Variants in PLPPR1 observed in about 807,000 individuals in gnomAD.
PLPPR1 encodes the protein phospholipid phosphatase related 1.
In PLPPR1, 10 loss-of-function variants were observed where a neutral mutation model predicts 33.1. The ratio of observed to expected loss-of-function variants is 0.30; its 90% CI spans 0.19 to 0.51. PLPPR1 has a LOEUF of 0.51. Among genes scored for constraint, PLPPR1 ranks in the 20% least tolerant of loss-of-function variants. The pLI is 0.97. For synonymous variants in PLPPR1, 151 were observed against 151.0 expected, an observed-to-expected ratio of 1.00 and a Z score of 0.00; for missense variants, 304 against 408.1, an observed-to-expected ratio of 0.74 and a Z score of 2.20.
intron 3 of PLPPR1, among the ~76,000 whole-genome samples, chr9:101,276,726 G>C (rs1222746324): frequency 6.6e-6 from 1 of 152,206 alleles, no homozygotes. Flanking sequence ...CCGCCCTGGT[G>C]CTCTATTTTA....
rs564443145 is a variant in PLPPR1 at position 101,247,377 on chromosome 9, C to G, written c.64-22503C>G. 7.2e-5 allele frequency among the ~76,000 whole-genome samples: 11 copies of G among 152,172 alleles called. No individual in the cohort carries two copies. In the East Asian group the frequency reaches 2.1e-3, roughly 30 times the overall value. On this transcript the variant is annotated intron_variant, in intron 2 of 7. Transcript: ENST00000374874. ...AGGCTTCTAGATGACCACATTGGGT[C>G]TTACATCAACCACTTAGCATCTGAG... is the stretch of plus-strand genomic sequence containing the variant.
At chr9:101,261,153 T>A (rs996178647) in intron 2 of PLPPR1, among the ~76,000 whole-genome samples, 4 of 152,160 alleles carry the variant, frequency 2.6e-5, no homozygotes, top group African/African-American at 9.7e-5. Context: ...TTGAGGTAAC[T>A]CATTATACCT....
At chr9:101,184,170 TG>T (rs1826165523) in intron 1 of PLPPR1, among the ~76,000 whole-genome samples, 1 of 151,740 alleles carries the variant, frequency 6.6e-6, no homozygotes, top group Non-Finnish European at 1.5e-5. Flanking sequence ...ACATGTAGTA[TG>T]GGTATGATTT....
At chr9:101,148,836 C>T (rs558792106) in intron 1 of PLPPR1, among the ~76,000 whole-genome samples, 1 of 152,180 alleles carries the variant, frequency 6.6e-6, no homozygotes, top group East Asian at 1.9e-4. Flanking sequence ...TAGAATTTTT[C>T]CCATTTCTTT....
At position 101,324,671 on chromosome 9, in the gene PLPPR1, TTA is replaced by T. The variant is rs1258539893; in HGVS notation, c.*618_*619del. The T allele has an allele frequency of 6.6e-6, 1 of 152,392 alleles. No individual in the cohort carries two copies. The highest frequency in any genetic ancestry group is 1.5e-5 in the Non-Finnish European group (1 of 68,038). 9.4% of individuals were successfully genotyped at this position (152,392 alleles called of 1,614,324 possible). On this transcript the variant is annotated 3_prime_UTR_variant, in exon 8 of 8. Coordinates refer to ENST00000374874, the MANE Select transcript of PLPPR1 (RefSeq NM_207299.2). ...ATTCTGGATTTGGAGGGTATTGGGG[TTA>T]TATGATTCTTTCTTAGATAATGGCC...
intron 1 of PLPPR1, among the ~76,000 whole-genome samples, chr9:101,154,318 C>T (rs937411412): frequency 2.6e-5 from 4 of 152,078 alleles, no homozygotes; most frequent in African/African-American, 4.8e-5. Context: ...TGGTAGAATT[C>T]AGCTGTGAAT....
intron 2 of PLPPR1, among the ~76,000 whole-genome samples, chr9:101,204,605 T>C (rs1826554825): frequency 6.6e-6 from 1 of 152,146 alleles, no homozygotes; most frequent in South Asian, 2.1e-4. Context: ...TTGGCTACTG[T>C]GTGCACTTCC....
At chr9:101,232,090 A>T (rs1185096437) in intron 2 of PLPPR1, among the ~76,000 whole-genome samples, 2 of 152,132 alleles carry the variant, frequency 1.3e-5, no homozygotes, top group Non-Finnish European at 1.5e-5. Flanking sequence ...GCCTAAGTGC[A>T]GCCACAAGTG....
At chr9:101,117,029 C>A (rs1242625677) in intron 1 of PLPPR1, among the ~76,000 whole-genome samples, 1 of 152,010 alleles carries the variant, frequency 6.6e-6, no homozygotes, top group African/African-American at 2.4e-5. Flanking sequence ...TCCTATTCAG[C>A]CTGAAGAAGT....
At chr9:101,282,035 A>G (rs1828313003) in intron 3 of PLPPR1, among the ~76,000 whole-genome samples, 1 of 152,190 alleles carries the variant, frequency 6.6e-6, no homozygotes, top group Non-Finnish European at 1.5e-5. Context: ...CTCTCTCCCA[A>G]AAAAATTGAA....
intron 1 of PLPPR1, among the ~76,000 whole-genome samples, chr9:101,061,882 G>A (rs185269800): frequency 1.3e-5 from 2 of 152,036 alleles, no homozygotes; most frequent in African/African-American, 2.4e-5. Flanking sequence ...AAATCTGAAC[G>A]AAATTTTGGG....
intron 4 of PLPPR1, among the ~76,000 whole-genome samples, chr9:101,290,644 T>A (rs940169344): frequency 6.6e-6 from 1 of 152,232 alleles, no homozygotes; most frequent in African/African-American, 2.4e-5. Flanking sequence ...TTTTGTGGAC[T>A]AAAATTATTT....
At chr9:101,310,958 CA>C (rs1219470389) in intron 5 of PLPPR1, among the ~76,000 whole-genome samples, 1 of 152,038 alleles carries the variant, frequency 6.6e-6, no homozygotes, top group East Asian at 1.9e-4. Flanking sequence ...AAAACCAAAC[CA>C]AAAAACCTCT....
chr9:101,151,107 C>G (rs1419869439), intron 1 of PLPPR1, among the ~76,000 whole-genome samples: 1 of 151,824 alleles, frequency 6.6e-6, no homozygotes, highest in Non-Finnish European at 1.5e-5. Flanking sequence ...AAGCAAAGGT[C>G]CAGATGGCAT....
chr9:101,110,192 T>G (rs879794178), intron 1 of PLPPR1, among the ~76,000 whole-genome samples: 2 of 152,212 alleles, frequency 1.3e-5, no homozygotes, highest in Non-Finnish European at 2.9e-5. Flanking sequence ...AGAATTCATA[T>G]GATGATTCAA....
At chr9:101,096,526 C>T (rs1830820172) in intron 1 of PLPPR1, among the ~76,000 whole-genome samples, 1 of 152,084 alleles carries the variant, frequency 6.6e-6, no homozygotes, top group Admixed American at 6.5e-5. Flanking sequence ...GTATCATCTG[C>T]AAAAGGGTAG....
At chr9:101,101,522 G>GA (rs571219244) in intron 1 of PLPPR1, among the ~76,000 whole-genome samples, 52 of 127,560 alleles carry the variant, frequency 4.1e-4, no homozygotes, top group South Asian at 5.3e-4. Context: ...AATTCAAATG[G>GA]AAAAAAAAAA....
intron 6 of PLPPR1, among the ~76,000 whole-genome samples, chr9:101,316,314 G>A (rs1829048868): frequency 6.6e-6 from 1 of 152,050 alleles, no homozygotes; most frequent in Non-Finnish European, 1.5e-5. Flanking sequence ...GTGGGTGCCT[G>A]TAGTCCCAGC....
intron 2 of PLPPR1, among the ~76,000 whole-genome samples, chr9:101,214,866 TA>T (rs1221672283): frequency 1.3e-5 from 2 of 151,682 alleles, no homozygotes; most frequent in African/African-American, 2.4e-5. Flanking sequence ...CTACTAAAAA[TA>T]CAAAACTTAG....
Sources: allele counts gnomAD v4.1 joint callset (sites outside exome capture counted in the v4.1 genomes callset), GRCh38; gene constraint gnomAD v4.1.1; transcripts MANE v1.5; gene names NCBI Gene and HGNC (gene_info 2026-07-23, HGNC 2026-07-21).